Variants in WWOX observed in about 807,000 individuals in gnomAD.
WWOX encodes the protein WW domain-containing oxidoreductase.
WWOX carries 69 observed loss-of-function variants against 46.2 expected under a neutral mutation model. The observed-to-expected ratio is 1.49, with a 90% CI of 1.23 to 1.82. The LOEUF (loss-of-function observed/expected upper bound fraction) is 1.82, where lower values mean the gene tolerates loss of function less well. WWOX is among the 40% of genes most tolerant of loss of function. WWOX has a pLI of 0.00. For missense variants in WWOX, 919 were observed against 542.6 expected (o/e 1.69, Z -6.89); for synonymous variants, 359 against 202.6 (o/e 1.77, Z -6.56).
chr16:78,141,068 C>T (rs1013877977), intron 4 of WWOX, among the ~76,000 whole-genome samples: 3 of 152,122 alleles, frequency 2.0e-5, no homozygotes, highest in Admixed American at 6.5e-5. Flanking sequence ...TCTTTTGCCT[C>T]GTTATCATCA....
chr16:79,026,738 G>T (rs2550704), intron 8 of WWOX, among the ~76,000 whole-genome samples: 3 of 146,976 alleles, frequency 2.0e-5, no homozygotes, highest in South Asian at 4.3e-4. Context: ...CTGCCTCAGC[G>T]TCCCAAGTAG....
chr16:79,047,384 G>T (rs2048085170), intron 8 of WWOX, among the ~76,000 whole-genome samples: 1 of 152,184 alleles, frequency 6.6e-6, no homozygotes, highest in South Asian at 2.1e-4. Context: ...GCCAGAAATA[G>T]ACCAGATGAA....
intron 8 of WWOX, among the ~76,000 whole-genome samples, chr16:78,458,239 T>G (rs187091749): frequency 6.8e-6 from 1 of 146,974 alleles, no homozygotes; most frequent in South Asian, 2.3e-4. Context: ...GCCAATTAAT[T>G]AATTGTTTCA....
chr16:78,882,475 CT>C (rs59829665), intron 8 of WWOX, among the ~76,000 whole-genome samples: 23,642 of 144,518 alleles, frequency 0.16, 2,518 homozygotes, highest in African/African-American at 0.31. Flanking sequence ...CACCATACAT[CT>C]TTTTTTTTTT....
intron 8 of WWOX, among the ~76,000 whole-genome samples, chr16:78,952,541 C>A (rs1229032890): frequency 6.6e-6 from 1 of 152,028 alleles, no homozygotes; most frequent in South Asian, 2.1e-4. Context: ...TACCAGCACA[C>A]CTGGCTAATT....
At chr16:78,569,028 T>C (rs868768767) in intron 8 of WWOX, among the ~76,000 whole-genome samples, 1 of 152,172 alleles carries the variant, frequency 6.6e-6, no homozygotes, top group East Asian at 1.9e-4. Flanking sequence ...CACGATGAGA[T>C]TGGAGGCACC....
At chr16:78,498,502 T>G (rs1256379948) in intron 8 of WWOX, among the ~76,000 whole-genome samples, 2 of 151,830 alleles carry the variant, frequency 1.3e-5, no homozygotes, top group African/African-American at 4.8e-5. Context: ...GCACAAGGTG[T>G]GAGGCTATTG....
chr16:78,820,979 A>T (rs184174935), intron 8 of WWOX, among the ~76,000 whole-genome samples: 1 of 152,142 alleles, frequency 6.6e-6, no homozygotes, highest in Admixed American at 6.5e-5. Flanking sequence ...CAGTCATTGG[A>T]CTTAGGACCC....
At chr16:79,047,672 A>ATTTTTTTTTTTTTTTTTTTT (rs71140858) in intron 8 of WWOX, among the ~76,000 whole-genome samples, 2 of 53,542 alleles carry the variant, frequency 3.7e-5, no homozygotes, top group Middle Eastern at 0.019. Context: ...GACTGTCCTG[A>ATTTTTTTTTTTTTTTTTTTT]TTTTTTTTTT....
chr16:78,433,416 A>G (rs1246534279), intron 8 of WWOX, among the ~76,000 whole-genome samples: 6 of 152,226 alleles, frequency 3.9e-5, no homozygotes, highest in African/African-American at 1.4e-4. Flanking sequence ...AAATGGTTTT[A>G]GTAGGAAGTA....
chr16:78,970,251 G>C (rs888244164), intron 8 of WWOX, among the ~76,000 whole-genome samples: 3 of 152,170 alleles, frequency 2.0e-5, no homozygotes, highest in Non-Finnish European at 4.4e-5. Flanking sequence ...CTCTCAGTTA[G>C]AGACTCAGAT....
chr16:78,594,787 A>C (rs1281408478), intron 8 of WWOX, among the ~76,000 whole-genome samples: 3 of 152,056 alleles, frequency 2.0e-5, no homozygotes, highest in Non-Finnish European at 2.9e-5. Context: ...GCATTCAGAA[A>C]ACTCTATAGC....
At position 78,432,536 on chromosome 16, in the gene WWOX, C is replaced by T. The variant is rs772356641; in HGVS notation, c.840C>T (p.Leu280=). Reference sequence around the variant, plus strand: ...TGGGAAAACTGGACTTCAGTCGCCTCTCTCCAACAAAAAACGACTATTGGG... The same window carrying T: ...TGGGAAAACTGGACTTCAGTCGCCTTTCTCCAACAAAAAACGACTATTGGG... ...DSLGKLDFSR[L]SPTKNDYWAM... Residue 280 remains leucine (L), a synonymous_variant, in exon 8 of 9, where the codon CTC becomes CTT. Coordinates refer to ENST00000566780, the MANE Select transcript of WWOX (RefSeq NM_016373.4). 2 of 1,614,124 alleles carry T rather than the reference C, an allele frequency of 1.2e-6. No individual in the cohort carries two copies. Among genetic ancestry groups the T allele is most frequent in the African/African-American group, 1.3e-5 (1 of 75,040 alleles).
At chr16:78,710,894 G>A (rs898625262) in intron 8 of WWOX, among the ~76,000 whole-genome samples, 1 of 152,076 alleles carries the variant, frequency 6.6e-6, no homozygotes, top group Non-Finnish European at 1.5e-5. Context: ...TGGGATTACA[G>A]GTGTGAGCCA....
At chr16:78,746,501 C>T (rs2049350243) in intron 8 of WWOX, among the ~76,000 whole-genome samples, 1 of 152,036 alleles carries the variant, frequency 6.6e-6, no homozygotes, top group Non-Finnish European at 1.5e-5. Flanking sequence ...TGCTAAAGTG[C>T]ATTGTAGTAA....
intron 8 of WWOX, among the ~76,000 whole-genome samples, chr16:78,652,426 A>G (rs1974853): frequency 0.34 from 43,603 of 127,004 alleles, 8,963 homozygotes; most frequent in Admixed American, 0.51. Context: ...AAAAAAAAAA[A>G]AAAAAGAAAA....
intron 8 of WWOX, among the ~76,000 whole-genome samples, chr16:79,207,409 C>G (rs925385098): frequency 2.0e-5 from 3 of 152,264 alleles, no homozygotes; most frequent in Non-Finnish European, 1.5e-5. Flanking sequence ...ACACTGCCGT[C>G]TTCAAAAGGG....
At chr16:78,638,921 G>A (rs1203857351) in intron 8 of WWOX, among the ~76,000 whole-genome samples, 1 of 152,142 alleles carries the variant, frequency 6.6e-6, no homozygotes, top group Non-Finnish European at 1.5e-5. Context: ...AAACCTGAGA[G>A]ATATCAGTGT....
intron 4 of WWOX, among the ~76,000 whole-genome samples, chr16:78,163,205 ACT>A (rs2034854737): frequency 6.6e-6 from 1 of 151,954 alleles, no homozygotes; most frequent in Non-Finnish European, 1.5e-5. Context: ...GTAATTTGAG[ACT>A]CTAGATAATG....
Sources: gnomAD v4.1 joint callset for allele counts (sites outside exome capture counted in the v4.1 genomes callset) on GRCh38, gnomAD v4.1.1 for gene constraint, MANE v1.5 for transcripts, NCBI Gene and HGNC (gene_info 2026-07-23, HGNC 2026-07-21) for gene names.